ANO5: variants seen among roughly 807,000 people sequenced by gnomAD.
ANO5 encodes anoctamin 5.
Under a neutral mutation model 121.0 loss-of-function variants are expected in ANO5, and 109 were observed. The ratio of observed to expected loss-of-function variants is 0.90; its 90% confidence interval spans 0.77 to 1.06. ANO5 has a LOEUF of 1.06. ANO5 is among the 50% of genes least tolerant of loss of function. The pLI is 0.00. For missense variants in ANO5, 1,064 were observed against 1,078.5 expected, an observed-to-expected ratio of 0.99 and a Z score of 0.19; for synonymous variants, 406 against 359.9, an observed-to-expected ratio of 1.13 and a Z score of -1.45.
chr11:22,245,727 T>C (rs1358299974), intron 9 of ANO5, among the ~76,000 whole-genome samples: 1 of 152,172 alleles, frequency 6.6e-6, no homozygotes, highest in Non-Finnish European at 1.5e-5. Flanking sequence ...AGAGTGCCCC[T>C]CTCTGTTAGT....
At chr11:22,227,902 G>A (rs1255835696) in intron 7 of ANO5, among the ~76,000 whole-genome samples, 1 of 152,068 alleles carries the variant, frequency 6.6e-6, no homozygotes, top group Middle Eastern at 3.2e-3. Flanking sequence ...TTGTAAAATG[G>A]TTTTACAAAC....
At chr11:22,224,313 C>G (rs911469795) in intron 5 of ANO5, among the ~76,000 whole-genome samples, 1 of 151,992 alleles carries the variant, frequency 6.6e-6, no homozygotes, top group Non-Finnish European at 1.5e-5. Context: ...TCTCTTCCAA[C>G]TGTGCATAAC....
intron 7 of ANO5, among the ~76,000 whole-genome samples, chr11:22,229,148 G>A (rs1305846048): frequency 4.6e-5 from 7 of 151,772 alleles, no homozygotes; most frequent in Admixed American, 3.3e-4. Flanking sequence ...CCTCTCCAAC[G>A]TCCTCTCCAA....
chr11:22,201,641 C>T (rs868173944), intron 1 of ANO5, among the ~76,000 whole-genome samples: 5 of 152,150 alleles, frequency 3.3e-5, no homozygotes, highest in Admixed American at 2.0e-4. Flanking sequence ...TTGGGGACCA[C>T]GTCTGGTGAG....
chr11:22,232,977 A>G (rs375300468), intron 7 of ANO5, among the ~76,000 whole-genome samples: 35 of 152,148 alleles, frequency 2.3e-4, no homozygotes, highest in African/African-American at 7.7e-4. Context: ...TCTTTACCAT[A>G]TGACGTAGAT....
intron 6 of ANO5, among the ~76,000 whole-genome samples, chr11:22,226,291 G>C (rs1350053796): frequency 6.6e-6 from 1 of 152,084 alleles, no homozygotes; most frequent in Non-Finnish European, 1.5e-5. Flanking sequence ...AGGATACAAA[G>C]AGAAAGAAGA....
intron 13 of ANO5, among the ~76,000 whole-genome samples, chr11:22,256,898 CAT>C (rs2133727347): frequency 6.6e-6 from 1 of 152,276 alleles, no homozygotes; most frequent in South Asian, 2.1e-4. Flanking sequence ...CATGAACACA[CAT>C]GTACACAGTG....
At chr11:22,254,000 A>C (rs1853911410) in intron 12 of ANO5, among the ~76,000 whole-genome samples, 1 of 152,156 alleles carries the variant, frequency 6.6e-6, no homozygotes, top group African/African-American at 2.4e-5. Flanking sequence ...GTCCACAATA[A>C]TTAATTGTAT....
rs1855043942 is a variant in ANO5, at chr11:22,280,617, TTAAA to T, written c.*854_*857del. 6.6e-6 allele frequency: 1 copy of T among 151,984 alleles called. No homozygotes were observed. Among genetic ancestry groups the T allele is most frequent in the South Asian group, 2.1e-4 (1 of 4,828 alleles). 9.4% of individuals were successfully genotyped at this position (151,984 alleles called of 1,614,324 possible). ...TTGTTGATTTTAATTTAGAAAATTG[TTAAA>T]TTATTTCTTAAAAATCACTTTTCTT... On this transcript the variant is annotated 3_prime_UTR_variant, in exon 22 of 22. Coordinates refer to ENST00000324559, the MANE Select transcript of ANO5 (RefSeq NM_213599.3).
chr11:22,210,187 C>T (rs1289863830), intron 2 of ANO5, among the ~76,000 whole-genome samples: 6 of 151,866 alleles, frequency 4.0e-5, no homozygotes, highest in African/African-American at 9.7e-5. Flanking sequence ...CTTTTCCCAC[C>T]GGTTTCAGTA....
In ANO5 at chr11:22,236,397, C is replaced by A. The variant is rs144602910; in HGVS notation, c.762+121C>A. The A allele has an allele frequency of 9.5e-4, 757 of 800,314 alleles. 1 individual carries two copies. The African/African-American group carries it at 0.012, about 12-fold the overall frequency. The allele number at this position is 800,314 out of a possible 1,614,324, so 49.6% of individuals were successfully genotyped here. A position where few individuals can be genotyped will look rare whatever the true frequency, so the allele number is the denominator to read the frequency against. ...TTTTCTCTCATGGTGGGAAAATCCC[C>A]AAAGACTTCTTGGTTCTGAGCTGAG... On this transcript the variant is annotated intron_variant, in intron 8 of 21. Transcript: ENST00000324559.
rs36077990 is a variant in ANO5 at position 22,259,948 on chromosome 11, GA to G, written c.1630+221del. Among the ~76,000 whole-genome samples, 56 of 142,298 alleles carry G rather than the reference GA, an allele frequency of 3.9e-4. 1 individual carries two copies. Among genetic ancestry groups the G allele is most frequent in the East Asian group, 1.9e-3 (9 of 4,662 alleles). 93.4% of individuals were successfully genotyped at this position (142,298 alleles called of 152,430 possible). A position where few individuals can be genotyped will look rare whatever the true frequency, so the allele number is the denominator to read the frequency against. On this transcript the variant is annotated intron_variant, in intron 15 of 21. Coordinates refer to ENST00000324559, the MANE Select transcript of ANO5 (RefSeq NM_213599.3). The stretch of plus-strand genomic sequence containing the variant: ...TTATAAAGGAAGAGGCAAAATAACT[GA>G]AAAAAAAAAAAAAGAATTCTGACTC...
intron 17 of ANO5, among the ~76,000 whole-genome samples, chr11:22,264,455 G>A (rs541491563): frequency 8.1e-5 from 12 of 148,456 alleles, no homozygotes; most frequent in Admixed American, 4.6e-4. Flanking sequence ...GACAGGGGAG[G>A]TAAAAGAATA....
upstream of ANO5, chr11:22,192,944 G>T: frequency 1.0e-6 from 1 of 980,210 alleles, no homozygotes; most frequent in Non-Finnish European, 1.2e-6. Context: ...GGCCAGCGTG[G>T]AGCCAGCCGG....
intron 5 of ANO5, among the ~76,000 whole-genome samples, chr11:22,224,831 A>C (rs1038980879): frequency 1.3e-5 from 2 of 152,126 alleles, no homozygotes; most frequent in African/African-American, 4.8e-5. Context: ...GCCATTGAAA[A>C]AATGAAATAC....
intron 2 of ANO5, among the ~76,000 whole-genome samples, chr11:22,206,371 C>T (rs1026810687): frequency 7.9e-5 from 12 of 152,046 alleles, no homozygotes; most frequent in African/African-American, 2.9e-4. Flanking sequence ...GGCTGGAGTG[C>T]AGTGGCACGA....
At chr11:22,254,353 G>A (rs1390669477) in intron 12 of ANO5, among the ~76,000 whole-genome samples, 1 of 152,108 alleles carries the variant, frequency 6.6e-6, no homozygotes, top group African/African-American at 2.4e-5. Context: ...TAATATTGGA[G>A]GTGTTAGTAT....
intron 1 of ANO5, among the ~76,000 whole-genome samples, chr11:22,197,226 A>G (rs1224578622): frequency 6.6e-6 from 1 of 152,216 alleles, no homozygotes; most frequent in African/African-American, 2.4e-5. Flanking sequence ...AGTGATCTCC[A>G]ATTGGCTAAT....
chr11:22,237,245 G>A (rs1368596858), intron 8 of ANO5, among the ~76,000 whole-genome samples: 2 of 152,130 alleles, frequency 1.3e-5, no homozygotes, highest in Admixed American at 6.6e-5. Flanking sequence ...TATTTCAATT[G>A]AAACAAGTGG....
Sources: gnomAD v4.1 joint callset for allele counts (sites outside exome capture counted in the v4.1 genomes callset) on GRCh38, gnomAD v4.1.1 for gene constraint, MANE v1.5 for transcripts, NCBI Gene and HGNC (gene_info 2026-07-23, HGNC 2026-07-21) for gene names.